The following UNC13B variants were observed in gnomAD, a reference collection of about 807,000 sequenced individuals.
UNC13B encodes the protein protein unc-13 homolog B.
A neutral mutation model predicts 211.0 loss-of-function variants in UNC13B; 144 were observed. That is an observed-to-expected ratio of 0.68 (90% CI 0.60 to 0.78). The LOEUF is 0.78. Among genes scored for constraint, UNC13B ranks in the 30% least tolerant of loss-of-function variants. The pLI is 0.00. For missense variants in UNC13B, 1,777 were observed against 2,002.0 expected (o/e 0.89, Z 2.14); for synonymous variants, 709 against 725.8 (o/e 0.98, Z 0.37).
chr9:35,304,296 C>T lies in UNC13B; in HGVS notation c.4892C>T (p.Ser1631Leu). The change falls in exon 9 of 40, where the codon TCA (serine) becomes TTA (leucine). Residue 1631 changes from serine to leucine, a missense_variant. Ser to Leu is a moderately radical substitution (Grantham distance 145). Coordinates refer to ENST00000635942, the MANE Select transcript of UNC13B (RefSeq NM_001371189.2). ...TTGTATCTAAATTTAGAAACCTTTT[C>T]ACAAGTACTTAAAGAGTCAAGTTGT... Reference protein sequence around the residue: ...EPLYLNLETFSQVLKESSCDQ... With the variant: ...EPLYLNLETFLQVLKESSCDQ... 2.5e-6 allele frequency: 1 copy of T among 398,652 alleles called. No homozygotes were observed. The highest frequency in any genetic ancestry group is 4.4e-6 in the Non-Finnish European group (1 of 225,862). The allele number at this position is 398,652 out of a possible 1,614,324, so 24.7% of individuals were successfully genotyped here. A position where few individuals can be genotyped will look rare whatever the true frequency, so the allele number is the denominator to read the frequency against.
At chr9:35,208,000 G>A (rs72725005) in intron 1 of UNC13B, among the ~76,000 whole-genome samples, 22,042 of 152,080 alleles carry the variant, frequency 0.14, 1,852 homozygotes, top group Admixed American at 0.25. Flanking sequence ...TGTATGTCAT[G>A]TGAGGTTTTT....
At chr9:35,213,553 A>G (rs1824088840) in intron 1 of UNC13B, among the ~76,000 whole-genome samples, 2 of 152,234 alleles carry the variant, frequency 1.3e-5, no homozygotes, top group South Asian at 2.1e-4. Flanking sequence ...CCATAAAGGC[A>G]TAGGTTATAA....
chr9:35,308,381 A>G lies in UNC13B; in HGVS notation c.8977A>G (p.Asn2993Asp), dbSNP rs534554383. ...GAATGTACAGCAGCCAGTCACTCTG[A>G]ATGACATCAAGGAGCCCATGACCAA... ...DLNVQQPVTLNDIKEPMTNKS... is the reference protein window; with the variant it reads ...DLNVQQPVTLDDIKEPMTNKS... The change falls in exon 9 of 40, where the codon AAT becomes GAT. Residue 2993 changes from asparagine (N) to aspartate (D), a missense_variant. By Grantham distance (23) the Asn-to-Asp change is conservative. Coordinates refer to ENST00000635942, the MANE Select transcript of UNC13B (RefSeq NM_001371189.2). 1 of 399,068 alleles carries G rather than the reference A, an allele frequency of 2.5e-6. No homozygotes were observed. The highest frequency in any genetic ancestry group is 3.6e-5 in the East Asian group (1 of 28,084). 24.7% of individuals were successfully genotyped at this position (399,068 alleles called of 1,614,324 possible).
chr9:35,165,410 A>ATTT (rs535456762), intron 1 of UNC13B, among the ~76,000 whole-genome samples: 1 of 136,528 alleles, frequency 7.3e-6, no homozygotes, highest in Non-Finnish European at 1.6e-5. Context: ...ATTGACTTGA[A>ATTT]TTTTTTTTTT....
chr9:35,371,629 T>C (rs1235376202), intron 13 of UNC13B, among the ~76,000 whole-genome samples: 1 of 152,202 alleles, frequency 6.6e-6, no homozygotes, highest in African/African-American at 2.4e-5. Context: ...CTACTTTTTT[T>C]CCTCATCCTT....
At chr9:35,217,306 A>G (rs1172377128) in intron 1 of UNC13B, among the ~76,000 whole-genome samples, 2 of 152,164 alleles carry the variant, frequency 1.3e-5, no homozygotes, top group Non-Finnish European at 2.9e-5. Context: ...CAAACATCAT[A>G]CTCAAAATTG....
rs545298158 is a variant in UNC13B, at chr9:35,243,516, G to C, written c.468+152G>C. The C allele has an allele frequency of 1.4e-5, 10 of 728,354 alleles. No homozygotes were observed. The South Asian group carries it at 1.8e-4, about 13-fold the overall frequency. The allele number at this position is 728,354 out of a possible 1,614,324, so 45.1% of individuals were successfully genotyped here. On this transcript the variant is annotated intron_variant, in intron 6 of 39. Coordinates refer to ENST00000635942, the MANE Select transcript of UNC13B (RefSeq NM_001371189.2). Reference sequence around the variant, plus strand: ...AAAAAAGGCAGCTAGAAGATTGCCTGAAATGTCACTAGAAGGTTCCATCTC... The same window carrying C: ...AAAAAAGGCAGCTAGAAGATTGCCTCAAATGTCACTAGAAGGTTCCATCTC...
chr9:35,391,453 T>A (rs1191687765), intron 26 of UNC13B, among the ~76,000 whole-genome samples: 1 of 152,178 alleles, frequency 6.6e-6, no homozygotes, highest in Non-Finnish European at 1.5e-5. Flanking sequence ...GATCTGTTAT[T>A]TGGGTGGGAT....
intron 11 of UNC13B, among the ~76,000 whole-genome samples, chr9:35,314,663 C>T (rs753230954): frequency 6.6e-6 from 1 of 151,774 alleles, no homozygotes; most frequent in Non-Finnish European, 1.5e-5. Context: ...GTACATTATA[C>T]CCATTAAGTT....
At chr9:35,253,977 G>T (rs940798298) in intron 6 of UNC13B, among the ~76,000 whole-genome samples, 3 of 152,026 alleles carry the variant, frequency 2.0e-5, no homozygotes, top group Admixed American at 2.0e-4. Flanking sequence ...TTAAATTTTT[G>T]TTAATCTAAC....
Position 35,251,455 on chromosome 9 carries a change from T to C in UNC13B, c.469-7538T>C, listed in dbSNP as rs367882529. Among the ~76,000 whole-genome samples, 115 of 152,094 alleles carry C rather than the reference T, an allele frequency of 7.6e-4. 1 individual carries two copies. The South Asian group carries it at 0.019, about 25-fold the overall frequency. ...TACAAAAATTAGCTTGGCGTGGTGG[T>C]GGGAACCTGTATTCCCACCTACTTG... On this transcript the variant is annotated intron_variant, in intron 6 of 39. Transcript: ENST00000635942.
rs142152791 is a variant in UNC13B at position 35,201,045 on chromosome 9, C to T, written c.23-26970C>T. ...AATTTATTGAGAGTTTTTAGCATGA[C>T]GGGCTGTTGAATTTTGTCGAAGGCC... On this transcript the variant is annotated intron_variant, in intron 1 of 39. Transcript: ENST00000635942. Among the ~76,000 whole-genome samples, 21 of 152,080 alleles carry T rather than the reference C, an allele frequency of 1.4e-4. No homozygotes were observed. The East Asian group carries it at 2.7e-3, about 20-fold the overall frequency.
rs1156792569 is a variant in UNC13B, at chr9:35,386,296, AAG to A, written c.11094+6_11094+7del. Reference sequence around the variant, plus strand: ...TATACAGCCGCCAGTACCAGCTGGTAAGAGGTTCAGGATCAGGTGGGGCCAGC... The same window carrying A: ...TATACAGCCGCCAGTACCAGCTGGTAAGGTTCAGGATCAGGTGGGGCCAGC... On this transcript the variant is annotated splice_donor_5th_base_variant and intron_variant, in intron 24 of 39. Transcript: ENST00000635942. The A allele has an allele frequency of 1.2e-6, 2 of 1,614,072 alleles. No homozygotes were observed. The highest frequency in any genetic ancestry group is 2.7e-5 in the African/African-American group (2 of 75,050).
At chr9:35,278,221 T>C (rs552554387) in intron 7 of UNC13B, among the ~76,000 whole-genome samples, 12 of 152,194 alleles carry the variant, frequency 7.9e-5, no homozygotes, top group Non-Finnish European at 1.6e-4. Context: ...GTTTGGCAGA[T>C]TCATTTCTTT....
intron 11 of UNC13B, chr9:35,352,704 A>G (rs1371677927): frequency 1.6e-6 from 2 of 1,232,166 alleles, no homozygotes; most frequent in East Asian, 3.2e-5. Context: ...AAGCTAGGGG[A>G]TGAAATAAAA....
intron 6 of UNC13B, among the ~76,000 whole-genome samples, chr9:35,248,909 C>T (rs1055787588): frequency 6.6e-6 from 1 of 152,088 alleles, no homozygotes. Flanking sequence ...CCTGGATATC[C>T]TTGTTAACTT....
At chr9:35,367,099 G>T in intron 12 of UNC13B, 106 bp downstream of exon 12, 1 of 1,174,338 alleles carries the variant, frequency 8.5e-7, no homozygotes, top group South Asian at 1.3e-5. Flanking sequence ...GCTGCATCCT[G>T]GGGAAGGAAA....
rs905890236 is a variant in UNC13B, at chr9:35,162,032, A to C, written c.-252A>C. ...GGAGTCCCGGCAGCTCCTACCTCCC[A>C]GCGATGGCGTCGCTGTGCCGCGCCC... is the stretch of plus-strand genomic sequence containing the variant. On this transcript the variant is annotated 5_prime_UTR_variant, in exon 1 of 40. Coordinates refer to ENST00000635942, the MANE Select transcript of UNC13B (RefSeq NM_001371189.2). The C allele has an allele frequency of 5.5e-6, 3 of 549,116 alleles. No homozygotes were observed. Among genetic ancestry groups the C allele is most frequent in the Non-Finnish European group, 9.5e-6 (3 of 315,892 alleles). 34.0% of individuals were successfully genotyped at this position (549,116 alleles called of 1,614,324 possible).
At chr9:35,319,555 C>A (rs915301478) in intron 11 of UNC13B, among the ~76,000 whole-genome samples, 1 of 152,078 alleles carries the variant, frequency 6.6e-6, no homozygotes, top group African/African-American at 2.4e-5. Context: ...GTTTTTCAAT[C>A]CCTGCCATCT....
Sources: gnomAD v4.1 joint callset for allele counts (sites outside exome capture counted in the v4.1 genomes callset) on GRCh38, gnomAD v4.1.1 for gene constraint, MANE v1.5 for transcripts, NCBI Gene and HGNC (gene_info 2026-07-23, HGNC 2026-07-21) for gene names.